The following OGDHL variants were observed in gnomAD, a reference collection of about 807,000 sequenced individuals.
OGDHL encodes the protein 2-oxoglutarate dehydrogenase-like, mitochondrial.
In OGDHL, 79 loss-of-function variants were observed where a neutral mutation model predicts 109.6. That is an observed-to-expected ratio of 0.72 (90% CI 0.60 to 0.87). The LOEUF (loss-of-function observed/expected upper bound fraction) is 0.87, where lower values mean the gene tolerates loss of function less well. Ranked by LOEUF, OGDHL falls within the 40% of genes least tolerant of loss-of-function variation. The probability of loss-of-function intolerance (pLI) is 0.00; values close to 1 mark genes in which losing one functional copy is unlikely to be tolerated. For synonymous variants in OGDHL, 528 were observed against 537.2 expected, an observed-to-expected ratio of 0.98 and a Z score of 0.24; for missense variants, 1,275 against 1,362.2, an observed-to-expected ratio of 0.94 and a Z score of 1.01.
Position 49,736,136 on chromosome 10 carries a change from C to A in OGDHL, c.2796G>T (p.Glu932Asp). ...AGGCCAGCTCCGCACCTGGGTACTT[C>A]TCTGCCTCCTGCTTGATCAGGTCGA... is the stretch of plus-strand genomic sequence containing the variant. ...FPFDLIKQEA[E>D]KYPGAELAWC... Residue 932 changes from glutamate to aspartate, a missense_variant, in exon 22 of 23, where the codon GAG becomes GAT. By Grantham distance (45) the Glu-to-Asp change is conservative. Coordinates refer to ENST00000374103, the MANE Select transcript of OGDHL (RefSeq NM_018245.3). The A allele has an allele frequency of 6.2e-7, 1 of 1,609,870 alleles. No individual in the cohort carries two copies. Among genetic ancestry groups the A allele is most frequent in the Non-Finnish European group, 8.5e-7 (1 of 1,177,840 alleles).
At chr10:49,750,693 G>C (rs1193211545) in intron 7 of OGDHL, 146 bp downstream of exon 7, 8 of 1,143,190 alleles carry the variant, frequency 7.0e-6, no homozygotes, top group Admixed American at 2.9e-5. Context: ...GAGCAGGCCA[G>C]GCCCAGGACT....
intron 13 of OGDHL, 88 bp downstream of exon 13, chr10:49,744,562 C>T (rs1358234998): frequency 1.9e-6 from 2 of 1,030,918 alleles, no homozygotes; most frequent in Non-Finnish European, 3.0e-6. Context: ...GCAATGACAG[C>T]TGTCACCCAG....
At chr10:49,738,382 C>G (rs906171870) in intron 17 of OGDHL, 120 bp from the exon 18 acceptor site, 4 of 978,008 alleles carry the variant, frequency 4.1e-6, no homozygotes, top group Non-Finnish European at 6.2e-6. Context: ...TGCCCTCACC[C>G]TGGAGCCTGA....
intron 17 of OGDHL, 61 bp downstream of exon 17, chr10:49,739,600 T>C (rs184449653): frequency 8.3e-6 from 13 of 1,567,746 alleles, no homozygotes; most frequent in Admixed American, 3.5e-5. Context: ...CCAGGGTCCA[T>C]CCCGCCCCTT....
Position 49,744,034 on chromosome 10 carries a change from C to T in OGDHL, c.1821G>A (p.Val607=), listed in dbSNP as rs911920031. Residue 607 remains valine, a synonymous_variant, in exon 14 of 23, where the codon GTG becomes GTA. Coordinates refer to ENST00000374103, the MANE Select transcript of OGDHL (RefSeq NM_018245.3). ...PEDMLTHIGS[V]ASSVPLEDFK... ...AGTCCTCCAGGGGCACAGAGCTGGC[C>T]ACACTGCCGATGTGGGTGAGCATGT... 1.2e-5 allele frequency: 20 copies of T among 1,614,164 alleles called. No individual in the cohort carries two copies. Among genetic ancestry groups the T allele is most frequent in the Non-Finnish European group, 1.7e-5 (20 of 1,180,000 alleles).
In OGDHL at chr10:49,745,956, G is replaced by C; in HGVS notation, c.1318C>G (p.Arg440Gly). 1 of 1,614,098 alleles carries C rather than the reference G, an allele frequency of 6.2e-7. No individual in the cohort carries two copies. Among genetic ancestry groups the C allele is most frequent in the Non-Finnish European group, 8.5e-7 (1 of 1,180,004 alleles). The change falls in exon 11 of 23, where the codon CGA becomes GGA. Residue 440 changes from arginine to glycine, a missense_variant. Physicochemically the swap from Arg to Gly is moderately radical, Grantham distance 125 (BLOSUM62 -2). Transcript: ENST00000374103. ...GGGTATGGTGAGGAGCGGGCCATTC[G>C]GGGGTCTGTGGTGAATCCAATCTGC... ...NNQIGFTTDP[R>G]MARSSPYPTD...
Position 49,756,868 on chromosome 10 carries a change from G to A in OGDHL, c.283C>T (p.His95Tyr). The A allele has an allele frequency of 6.2e-7, 1 of 1,614,120 alleles. No homozygotes were observed. Among genetic ancestry groups the A allele is most frequent in the Non-Finnish European group, 8.5e-7 (1 of 1,179,982 alleles). Reference protein sequence around the residue: ...SAQPRPPSVVHESRSAVSSRT... With the variant: ...SAQPRPPSVVYESRSAVSSRT... Reference sequence around the variant, plus strand: ...CTTGAGACTGCAGACCTGCTCTCATGGACAACAGAAGGGGGCCGTGGCTGA... The same window carrying A: ...CTTGAGACTGCAGACCTGCTCTCATAGACAACAGAAGGGGGCCGTGGCTGA... Residue 95 changes from histidine to tyrosine, a missense_variant, in exon 3 of 23, where the codon CAT becomes TAT. Transcript: ENST00000374103.
At chr10:49,742,404 C>CAT (rs1458281882) in intron 15 of OGDHL, among the ~76,000 whole-genome samples, 1 of 522 alleles carries the variant, frequency 1.9e-3, no homozygotes, top group Non-Finnish European at 5.2e-3. Flanking sequence ...ACACACACCA[C>CAT]ACACACCATA....
At chr10:49,761,083 AG>A (rs1025985576) in intron 1 of OGDHL, among the ~76,000 whole-genome samples, 2 of 152,142 alleles carry the variant, frequency 1.3e-5, no homozygotes, top group Admixed American at 1.3e-4. Context: ...GCAGGGCATG[AG>A]GGCTCAGTAT....
At position 49,735,277 on chromosome 10, in the gene OGDHL, A is replaced by AGGTCTTCTGG; in HGVS notation, c.2983_2984insCCAGAAGACC (p.Phe995SerfsTer15). The AGGTCTTCTGG allele has an allele frequency of 6.2e-7, 1 of 1,614,180 alleles. No individual in the cohort carries two copies. Among genetic ancestry groups the AGGTCTTCTGG allele is most frequent in the Non-Finnish European group, 8.5e-7 (1 of 1,180,010 alleles). On this transcript the variant is annotated frameshift_variant, in exon 23 of 23. Transcript: ENST00000374103. LOFTEE classifies it high-confidence loss of function. ...CTGGAGATTGAAGGCAGTATCCAGAAACTTCTTCAGTGACACCAGGTGAGT... is the reference window on the plus strand; with the variant it reads ...CTGGAGATTGAAGGCAGTATCCAGAAGGTCTTCTGGACTTCTTCAGTGACACCAGGTGAGT...
At chr10:49,747,246 C>G (rs753845627) in intron 8 of OGDHL, 38 bp from the exon 9 acceptor site, 4 of 1,600,684 alleles carry the variant, frequency 2.5e-6, no homozygotes, top group Non-Finnish European at 3.4e-6. Flanking sequence ...ATCCTCCCCT[C>G]CCACATCAGA....
chr10:49,746,371 G>A (rs76158847), intron 10 of OGDHL, among the ~76,000 whole-genome samples: 12 of 152,208 alleles, frequency 7.9e-5, no homozygotes, highest in African/African-American at 2.9e-4. Flanking sequence ...GGACGATGAC[G>A]TGACTTAATG....
chr10:49,747,323 C>G, intron 8 of OGDHL, 115 bp from the exon 9 acceptor site: 3 of 1,104,728 alleles, frequency 2.7e-6, no homozygotes, highest in Non-Finnish European at 3.9e-6. Flanking sequence ...ATCCCACTGC[C>G]TCAGAGGGCC....
intron 5 of OGDHL, 68 bp downstream of exon 5, chr10:49,752,058 GACAGTGC>G (rs1215161236): frequency 1.9e-6 from 3 of 1,609,834 alleles, no homozygotes; most frequent in Non-Finnish European, 2.5e-6. Context: ...GAACAAAAAA[GACAGTGC>G]CTTCCCGTCC....
At position 49,738,158 on chromosome 10, in the gene OGDHL, C is replaced by T. The variant is rs1004320066; in HGVS notation, c.2391+33G>A. 5.6e-6 allele frequency: 9 copies of T among 1,613,930 alleles called. No individual in the cohort carries two copies. The East Asian group carries it at 6.7e-5, about 12-fold the overall frequency. ...CTAGCCCTGTGGGCACAATAGGGCG[C>T]GTCCCTGTCCTGGGGACAGCAGCAA... On this transcript the variant is annotated intron_variant, in intron 18 of 22. Coordinates refer to ENST00000374103, the MANE Select transcript of OGDHL (RefSeq NM_018245.3).
At chr10:49,741,271 A>G (rs1841632017) in intron 15 of OGDHL, among the ~76,000 whole-genome samples, 1 of 152,008 alleles carries the variant, frequency 6.6e-6, no homozygotes, top group Admixed American at 6.5e-5. Context: ...GTCCCAACTC[A>G]CAAGAGGCAG....
At chr10:49,753,606 G>T (rs758764965) in intron 3 of OGDHL, among the ~76,000 whole-genome samples, 3 of 152,098 alleles carry the variant, frequency 2.0e-5, no homozygotes, top group Non-Finnish European at 2.9e-5. Flanking sequence ...GAATTGTTAT[G>T]CTGGCTGGGC....
intron 12 of OGDHL, among the ~76,000 whole-genome samples, chr10:49,744,958 A>G (rs1012339042): frequency 2.4e-4 from 36 of 152,220 alleles, no homozygotes; most frequent in Admixed American, 2.0e-4. Flanking sequence ...GCAGGCCTGC[A>G]GTGCGCTCAG....
chr10:49,751,243 G>A (rs578106249), intron 6 of OGDHL, among the ~76,000 whole-genome samples: 6 of 151,920 alleles, frequency 3.9e-5, no homozygotes, highest in Admixed American at 2.6e-4. Context: ...CCCAGCTGCC[G>A]CCCTCTCTCT....
Sources: gnomAD v4.1 joint callset for allele counts (sites outside exome capture counted in the v4.1 genomes callset) on GRCh38, gnomAD v4.1.1 for gene constraint, MANE v1.5 for transcripts, NCBI Gene and HGNC (gene_info 2026-07-23, HGNC 2026-07-21) for gene names.